The following SPHKAP variants were observed in gnomAD, a reference collection of about 807,000 sequenced individuals.
The protein encoded by SPHKAP is A-kinase anchor protein SPHKAP.
Under a neutral mutation model 137.5 loss-of-function variants are expected in SPHKAP, and 67 were observed. The ratio of observed to expected loss-of-function variants is 0.49; its 90% confidence interval spans 0.40 to 0.60. The LOEUF (loss-of-function observed/expected upper bound fraction) is 0.60. Ranked by LOEUF, SPHKAP falls within the 20% of genes least tolerant of loss-of-function variation. SPHKAP has a pLI of 0.00. For missense variants in SPHKAP, 2,097 were observed against 2,069.3 expected, an observed-to-expected ratio of 1.01 and a Z score of -0.26; for synonymous variants, 813 against 785.3, an observed-to-expected ratio of 1.04 and a Z score of -0.59.
intron 7 of SPHKAP, chr2:227,996,022 C>A: frequency 1.0e-6 from 1 of 985,332 alleles, no homozygotes; most frequent in Non-Finnish European, 1.2e-6. Flanking sequence ...ATACACAAAG[C>A]ATTCACCCGA....
intron 3 of SPHKAP, among the ~76,000 whole-genome samples, chr2:228,091,785 T>C (rs150697171): frequency 0.017 from 2,657 of 152,220 alleles, 33 homozygotes; most frequent in Middle Eastern, 0.044. Flanking sequence ...TTGGCATAAA[T>C]GTGGTGAAAA....
chr2:228,028,775 C>T (rs945156797), intron 3 of SPHKAP, among the ~76,000 whole-genome samples: 1 of 152,156 alleles, frequency 6.6e-6, no homozygotes, highest in African/African-American at 2.4e-5. Flanking sequence ...CAAACAGTGA[C>T]AAAATCACCT....
intron 3 of SPHKAP, among the ~76,000 whole-genome samples, chr2:228,072,231 T>A (rs72973759): frequency 6.6e-6 from 1 of 152,186 alleles, no homozygotes; most frequent in African/African-American, 2.4e-5. Flanking sequence ...CTGGCTTTCC[T>A]GGGTCTACAG....
At chr2:227,994,735 T>A (rs1693561755) in intron 8 of SPHKAP, among the ~76,000 whole-genome samples, 4 of 152,220 alleles carry the variant, frequency 2.6e-5, no homozygotes, top group Admixed American at 2.6e-4. Context: ...TTTTTGTTTC[T>A]ATCTTGTAAT....
intron 1 of SPHKAP, among the ~76,000 whole-genome samples, chr2:228,173,812 C>T (rs781033962): frequency 1.3e-5 from 2 of 152,196 alleles, no homozygotes; most frequent in East Asian, 1.9e-4. Flanking sequence ...AAAAGCAATA[C>T]GATGCCTTTA....
intron 3 of SPHKAP, among the ~76,000 whole-genome samples, chr2:228,051,858 C>T (rs549805166): frequency 2.0e-5 from 3 of 152,200 alleles, no homozygotes; most frequent in Non-Finnish European, 4.4e-5. Context: ...CACCTACTCA[C>T]CTAGCAGCTC....
chr2:228,110,918 T>C (rs572854064), intron 2 of SPHKAP, among the ~76,000 whole-genome samples: 1 of 152,030 alleles, frequency 6.6e-6, no homozygotes, highest in Non-Finnish European at 1.5e-5. Flanking sequence ...CAAATTCTTA[T>C]TTATTTAATT....
intron 1 of SPHKAP, among the ~76,000 whole-genome samples, chr2:228,145,639 C>G (rs1291573094): frequency 2.0e-5 from 3 of 151,980 alleles, no homozygotes; most frequent in Non-Finnish European, 4.4e-5. Flanking sequence ...AATGCATTTT[C>G]CAACTTGTTA....
chr2:228,020,234 T>C (rs1694787070), intron 6 of SPHKAP, 78 bp from the exon 7 acceptor site: 2 of 1,503,124 alleles, frequency 1.3e-6, no homozygotes, highest in Non-Finnish European at 1.8e-6. Flanking sequence ...AATTACTTTC[T>C]AAAAATAAAA....
At chr2:228,052,627 C>G (rs1183782875) in intron 3 of SPHKAP, among the ~76,000 whole-genome samples, 1 of 152,158 alleles carries the variant, frequency 6.6e-6, no homozygotes, top group East Asian at 1.9e-4. Context: ...GAATGAGACT[C>G]TTTTCAAATA....
intron 2 of SPHKAP, among the ~76,000 whole-genome samples, chr2:228,122,092 C>T (rs1306668583): frequency 6.6e-6 from 1 of 151,760 alleles, no homozygotes; most frequent in East Asian, 1.9e-4. Context: ...ATTTTTAATG[C>T]CAGATTAGAT....
intron 7 of SPHKAP, 105 bp downstream of exon 7, chr2:228,016,301 T>A: frequency 6.8e-7 from 1 of 1,473,950 alleles, no homozygotes; most frequent in Non-Finnish European, 8.9e-7. Flanking sequence ...AAAATTTAGT[T>A]CTTGCACCAA....
intron 9 of SPHKAP, 26 bp from the exon 10 acceptor site, chr2:227,991,352 G>A (rs1372493594): frequency 6.2e-7 from 1 of 1,613,930 alleles, no homozygotes; most frequent in Non-Finnish European, 8.5e-7. Flanking sequence ...ACAGTATATG[G>A]TTGGTAATGT....
At chr2:228,051,108 C>T (rs1696240768) in intron 3 of SPHKAP, among the ~76,000 whole-genome samples, 1 of 152,016 alleles carries the variant, frequency 6.6e-6, no homozygotes, top group South Asian at 2.1e-4. Flanking sequence ...CCTGGCCACC[C>T]ACTCCACTTT....
At chr2:228,072,946 C>A (rs1355032459) in intron 3 of SPHKAP, among the ~76,000 whole-genome samples, 1 of 152,240 alleles carries the variant, frequency 6.6e-6, no homozygotes, top group East Asian at 1.9e-4. Flanking sequence ...GAAGTAGGAA[C>A]AAGCCACCTG....
chr2:228,078,911 C>T lies in SPHKAP; in HGVS notation c.246+29921G>A, dbSNP rs138346246. Among the ~76,000 whole-genome samples the T allele has an allele frequency of 1.0e-3, 155 of 152,244 alleles. 1 individual carries two copies. The highest frequency in any genetic ancestry group is 6.8e-3 in the Middle Eastern group (2 of 294). On this transcript the variant is annotated intron_variant, in intron 3 of 11. Coordinates refer to ENST00000392056, the MANE Select transcript of SPHKAP (RefSeq NM_001142644.2). Reference sequence around the variant, plus strand: ...CAGACTCTAGGCCAGTACCCACGAACGGAGCCTCCAGGCACCCTCCAGAAC... The same window carrying T: ...CAGACTCTAGGCCAGTACCCACGAATGGAGCCTCCAGGCACCCTCCAGAAC...
intron 11 of SPHKAP, among the ~76,000 whole-genome samples, chr2:227,988,804 C>T (rs1216246753): frequency 6.6e-6 from 1 of 152,090 alleles, no homozygotes; most frequent in Non-Finnish European, 1.5e-5. Context: ...CATGATTATG[C>T]TTTTTTATTG....
At chr2:228,152,715 C>A (rs538617706) in intron 1 of SPHKAP, among the ~76,000 whole-genome samples, 1 of 127,700 alleles carries the variant, frequency 7.8e-6, no homozygotes, top group East Asian at 2.5e-4. Context: ...GGAAGTTATA[C>A]CTTCTTTTTT....
intron 3 of SPHKAP, among the ~76,000 whole-genome samples, chr2:228,030,513 CAAAA>C (rs11287311): frequency 4.1e-5 from 2 of 48,774 alleles, no homozygotes; most frequent in East Asian, 6.4e-4. Context: ...GATACCATCT[CAAAA>C]AAAAAAAAAA....
Sources: allele counts gnomAD v4.1 joint callset (sites outside exome capture counted in the v4.1 genomes callset), GRCh38; gene constraint gnomAD v4.1.1; transcripts MANE v1.5; gene names NCBI Gene and HGNC (gene_info 2026-07-23, HGNC 2026-07-21).